ZNF385C: variants seen among roughly 807,000 people sequenced by gnomAD.
ZNF385C encodes zinc finger protein 385C, also known as CTD-2132N18.2.
Under a neutral mutation model 35.4 loss-of-function variants are expected in ZNF385C, and 28 were observed. The ratio of observed to expected loss-of-function variants is 0.79; its 90% confidence interval spans 0.59 to 1.08. The LOEUF is 1.08. ZNF385C is among the 50% of genes least tolerant of loss of function. The probability of loss-of-function intolerance (pLI) is 0.00; values close to 1 mark genes in which losing one functional copy is unlikely to be tolerated. For missense variants in ZNF385C, 605 were observed against 595.6 expected (o/e 1.02, Z -0.16); for synonymous variants, 248 against 248.2 (o/e 1.00, Z 0.01).
intron 1 of ZNF385C, among the ~76,000 whole-genome samples, chr17:42,067,871 T>C (rs1384515785): frequency 3.9e-5 from 6 of 152,152 alleles, no homozygotes; most frequent in African/African-American, 1.2e-4. Flanking sequence ...GAGAGCTGCC[T>C]GCCCCGCCAG....
At chr17:42,039,752 A>G (rs1304328570) in intron 2 of ZNF385C, 43 of 1,232,418 alleles carry the variant, frequency 3.5e-5, no homozygotes, top group Non-Finnish European at 4.4e-5. Context: ...CCACTCTCTA[A>G]GAACTCCACA....
intron 2 of ZNF385C, among the ~76,000 whole-genome samples, chr17:42,058,737 C>T (rs1285738311): frequency 2.0e-5 from 3 of 152,196 alleles, no homozygotes; most frequent in Non-Finnish European, 2.9e-5. Context: ...CTCACTGCAA[C>T]GTCTGCCTCC....
rs533202275 is a variant in ZNF385C at position 42,060,450 on chromosome 17, C to T, written c.250+2357G>A. Among the ~76,000 whole-genome samples, 424 of 152,298 alleles carry T rather than the reference C, an allele frequency of 2.8e-3. 1 individual carries two copies. The highest frequency in any genetic ancestry group is 9.2e-3 in the African/African-American group (383 of 41,562). On this transcript the variant is annotated intron_variant, in intron 2 of 8. Transcript: ENST00000692273. ...GGTGGCTCCCGCTGTCCTCTCCACA[C>T]CCTGCACACTCCCTGCACACACCCA...
intron 1 of ZNF385C, among the ~76,000 whole-genome samples, chr17:42,083,999 G>T (rs566107019): frequency 1.3e-5 from 2 of 151,940 alleles, no homozygotes; most frequent in East Asian, 1.9e-4. Flanking sequence ...GATGGCAGGC[G>T]TGAGCCACCA....
intron 1 of ZNF385C, among the ~76,000 whole-genome samples, chr17:42,085,931 G>C (rs542001939): frequency 6.6e-6 from 1 of 152,240 alleles, no homozygotes; most frequent in Admixed American, 6.5e-5. Context: ...AGCCAGGCAT[G>C]GTGGCACACG....
In ZNF385C at chr17:42,034,188, C is replaced by G. The variant is rs1021193401; in HGVS notation, c.510+37G>C. 2.7e-6 allele frequency: 4 copies of G among 1,507,364 alleles called. No individual in the cohort carries two copies. In the Admixed American group the frequency reaches 7.9e-5, roughly 30 times the overall value. The allele number at this position is 1,507,364 out of a possible 1,614,324, so 93.4% of individuals were successfully genotyped here. A position where few individuals can be genotyped will look rare whatever the true frequency, so the allele number is the denominator to read the frequency against. Reference sequence around the variant, plus strand: ...AGCCTCCAGCCCTCTCCCTGCCCAGCCCCCTCCCCAGACCTGCTTTCACTA... The same window carrying G: ...AGCCTCCAGCCCTCTCCCTGCCCAGGCCCCTCCCCAGACCTGCTTTCACTA... On this transcript the variant is annotated intron_variant, in intron 4 of 8. Transcript: ENST00000692273.
At chr17:42,038,163 C>G (rs1412379537) in intron 2 of ZNF385C, 10 of 1,245,340 alleles carry the variant, frequency 8.0e-6, no homozygotes, top group Non-Finnish European at 9.9e-6. Context: ...AACCCCAGGG[C>G]AGCCCAGCCA....
intron 8 of ZNF385C, 64 bp downstream of exon 8, chr17:42,027,554 G>GGCCACCCCC: frequency 3.6e-6 from 2 of 556,882 alleles, no homozygotes; most frequent in Non-Finnish European, 6.6e-6. Context: ...CCCCCATCTG[G>GGCCACCCCC]CCCTCCCAGC....
At position 42,027,074 on chromosome 17, in the gene ZNF385C, G is replaced by A; in HGVS notation, c.1335C>T (p.Ser445=). Residue 445 remains serine (S), a synonymous_variant, in exon 9 of 9, where the codon AGC becomes AGT. Coordinates refer to ENST00000692273, the MANE Select transcript of ZNF385C (RefSeq NM_001392013.1). The part of the protein sequence containing the change: ...TKTLAARFLP[S]PLPTAATAIC... ...TGGCAGTGGCTGCGGTGGGGAGCGG[G>A]CTGGGCAGGAAGCGGGCTGCCAACG... 2 of 1,611,474 alleles carry A rather than the reference G, an allele frequency of 1.2e-6. No individual in the cohort carries two copies. Among genetic ancestry groups the A allele is most frequent in the Non-Finnish European group, 1.7e-6 (2 of 1,178,786 alleles).
intron 1 of ZNF385C, among the ~76,000 whole-genome samples, chr17:42,066,092 C>T (rs11079030): frequency 0.4 from 60,449 of 151,968 alleles, 12,364 homozygotes; most frequent in Admixed American, 0.49. Context: ...CAGGGTCTCA[C>T]ACTGTTGCCC....
intron 2 of ZNF385C, chr17:42,039,536 A>C: frequency 6.7e-5 from 23 of 343,058 alleles, no homozygotes; most frequent in Admixed American, 2.8e-4. Flanking sequence ...TCCACAGCCC[A>C]CAGGGTGGGG....
chr17:42,089,551 G>A (rs2053843519), intron 1 of ZNF385C, among the ~76,000 whole-genome samples: 2 of 152,196 alleles, frequency 1.3e-5, no homozygotes, highest in South Asian at 2.1e-4. Flanking sequence ...AATATTACGG[G>A]TAGAAGTAAC....
chr17:42,094,449 T>G (rs2053896913), intron 1 of ZNF385C, among the ~76,000 whole-genome samples: 2 of 137,754 alleles, frequency 1.5e-5, no homozygotes, highest in African/African-American at 6.2e-5. Context: ...ACACTGAGAG[T>G]GGGAGTGTGA....
intron 2 of ZNF385C, among the ~76,000 whole-genome samples, chr17:42,041,594 A>T (rs908475751): frequency 6.6e-6 from 1 of 152,068 alleles, no homozygotes; most frequent in Non-Finnish European, 1.5e-5. Context: ...TAGTTTTTTC[A>T]CTGTGTTTTT....
Position 42,057,991 on chromosome 17 carries a change from G to C in ZNF385C, c.250+4816C>G, listed in dbSNP as rs115038834. Among the ~76,000 whole-genome samples, 483 of 152,102 alleles carry C rather than the reference G, an allele frequency of 3.2e-3. 2 individuals are homozygous for C. The highest frequency in any genetic ancestry group is 0.011 in the African/African-American group (465 of 41,536). On this transcript the variant is annotated intron_variant, in intron 2 of 8. Transcript: ENST00000692273. ...GGGCTTCCTGGGCAGGAGACAGATG[G>C]GGGGTGGGCAGGGTAAGTCGGGGCA...
At chr17:42,082,334 G>A (rs1489604491) in intron 1 of ZNF385C, among the ~76,000 whole-genome samples, 7 of 152,310 alleles carry the variant, frequency 4.6e-5, no homozygotes, top group Non-Finnish European at 8.8e-5. Flanking sequence ...CACCACGCCC[G>A]ACCTCTTCCC....
chr17:42,069,762 G>T (rs1276249823), intron 1 of ZNF385C, among the ~76,000 whole-genome samples: 1 of 152,184 alleles, frequency 6.6e-6, no homozygotes, highest in Admixed American at 6.5e-5. Flanking sequence ...AAGAGAGGGG[G>T]CCAGGCGTGG....
At chr17:42,044,167 G>A (rs1555656389) in intron 2 of ZNF385C, among the ~76,000 whole-genome samples, 6 of 111,694 alleles carry the variant, frequency 5.4e-5, no homozygotes. Flanking sequence ...AAAAAAATTA[G>A]CCAGGCATGG....
chr17:42,038,324 T>G, intron 2 of ZNF385C: 2 of 432,974 alleles, frequency 4.6e-6, no homozygotes, highest in South Asian at 3.3e-5. Flanking sequence ...TCTCTAACTA[T>G]CCTCCCTCCC....
Sources: gnomAD v4.1 joint callset for allele counts (sites outside exome capture counted in the v4.1 genomes callset) on GRCh38, gnomAD v4.1.1 for gene constraint, MANE v1.5 for transcripts, NCBI Gene and HGNC (gene_info 2026-07-23, HGNC 2026-07-21) for gene names.